Variants in CLDN1 observed in about 807,000 individuals in gnomAD.
CLDN1 encodes claudin-1.
A neutral mutation model predicts 22.6 loss-of-function variants in CLDN1; 12 were observed. The observed-to-expected ratio is 0.53, with a 90% CI of 0.34 to 0.86. CLDN1 has a LOEUF of 0.86. Ranked by LOEUF, CLDN1 falls within the 40% of genes least tolerant of loss-of-function variation. The pLI is 0.02. For synonymous variants in CLDN1, 99 were observed against 103.8 expected, an observed-to-expected ratio of 0.95 and a Z score of 0.28; for missense variants, 250 against 269.5, an observed-to-expected ratio of 0.93 and a Z score of 0.51.
At chr3:190,313,371 TC>T in intron 1 of CLDN1, among the ~76,000 whole-genome samples, 1 of 152,348 alleles carries the variant, frequency 6.6e-6, no homozygotes, top group African/African-American at 2.4e-5. Context: ...TAAGGGATTT[TC>T]ATCCTTGCTA....
chr3:190,313,605 G>A (rs1716684133), intron 1 of CLDN1, among the ~76,000 whole-genome samples: 1 of 152,144 alleles, frequency 6.6e-6, no homozygotes, highest in Non-Finnish European at 1.5e-5. Context: ...TGAATAGGAG[G>A]AGTGGGGAAG....
At position 190,312,862 on chromosome 3, in the gene CLDN1, C is replaced by A. The variant is rs775954397; in HGVS notation, c.388+10G>T. 8 of 1,613,770 alleles carry A rather than the reference C, an allele frequency of 5.0e-6. No homozygotes were observed. The South Asian group carries it at 7.7e-5, about 16-fold the overall frequency. ...TTAGTAAGGTGAAAGGGGGGCACAGCCTCTATTACCTGCAAGAAGAAATAT... is the reference window on the plus strand; with the variant it reads ...TTAGTAAGGTGAAAGGGGGGCACAGACTCTATTACCTGCAAGAAGAAATAT... On this transcript the variant is annotated intron_variant, in intron 2 of 3. Coordinates refer to ENST00000295522, the MANE Select transcript of CLDN1 (RefSeq NM_021101.5).
chr3:190,308,605 A>G (rs1716526297), intron 3 of CLDN1, among the ~76,000 whole-genome samples, 166 bp from the exon 4 acceptor site: 1 of 152,184 alleles, frequency 6.6e-6, no homozygotes, highest in Non-Finnish European at 1.5e-5. Context: ...ACGCCAAAGA[A>G]TGTTTATATT....
chr3:190,315,540 T>C (rs932965038), intron 1 of CLDN1, among the ~76,000 whole-genome samples: 1 of 152,192 alleles, frequency 6.6e-6, no homozygotes, highest in African/African-American at 2.4e-5. Flanking sequence ...ACTGTCAGCA[T>C]AGAGATCACA....
intron 1 of CLDN1, among the ~76,000 whole-genome samples, chr3:190,321,195 C>G (rs1245283907): frequency 6.6e-6 from 1 of 152,158 alleles, no homozygotes; most frequent in African/African-American, 2.4e-5. Flanking sequence ...GCTGCATTTC[C>G]CTTCAGTGCC....
chr3:190,310,258 A>G lies in CLDN1; in HGVS notation c.389-5T>C. 6.2e-7 allele frequency: 1 copy of G among 1,611,620 alleles called. No homozygotes were observed. Among genetic ancestry groups the G allele is most frequent in the Non-Finnish European group, 8.5e-7 (1 of 1,177,938 alleles). On this transcript the variant is annotated splice_region_variant and splice_polypyrimidine_tract_variant and intron_variant, in intron 2 of 3. Coordinates refer to ENST00000295522, the MANE Select transcript of CLDN1 (RefSeq NM_021101.5). ...TGGCAACTAAAATAGCCAGACCTAT[A>G]GAAATTCAAAACAAAAGACTGTTAA... is the stretch of plus-strand genomic sequence containing the variant.
chr3:190,313,927 A>G (rs888430858), intron 1 of CLDN1, among the ~76,000 whole-genome samples: 2 of 152,220 alleles, frequency 1.3e-5, no homozygotes, highest in African/African-American at 4.8e-5. Context: ...ACAGATTTTT[A>G]AATATGAACT....
In CLDN1 at chr3:190,310,355, T is replaced by A. The variant is rs1027977444; in HGVS notation, c.389-102A>T. ...CATATTTTGCAAGAATTAAATCTCA[T>A]CAATAGTGTTGACATTTTTATTTTG... is the stretch of plus-strand genomic sequence containing the variant. On this transcript the variant is annotated intron_variant, in intron 2 of 3. Transcript: ENST00000295522. 6.2e-6 allele frequency: 5 copies of A among 805,924 alleles called. No individual in the cohort carries two copies. The African/African-American group carries it at 6.8e-5, about 11-fold the overall frequency. The allele number at this position is 805,924 out of a possible 1,614,324, so 49.9% of individuals were successfully genotyped here.
At chr3:190,316,032 C>G (rs1716758272) in intron 1 of CLDN1, among the ~76,000 whole-genome samples, 1 of 152,194 alleles carries the variant, frequency 6.6e-6, no homozygotes, top group Non-Finnish European at 1.5e-5. Flanking sequence ...TCAAATCTAT[C>G]TTGCCACTTC....
intron 3 of CLDN1, among the ~76,000 whole-genome samples, chr3:190,309,831 T>C (rs1232189325): frequency 6.6e-6 from 1 of 152,234 alleles, no homozygotes; most frequent in Non-Finnish European, 1.5e-5. Context: ...AGGTAGGTGT[T>C]GTAAACATCA....
intron 1 of CLDN1, among the ~76,000 whole-genome samples, chr3:190,319,900 G>T (rs1437988174): frequency 6.6e-6 from 1 of 152,172 alleles, no homozygotes; most frequent in Non-Finnish European, 1.5e-5. Flanking sequence ...AGCATCCCGT[G>T]AGTCACGGCA....
intron 1 of CLDN1, among the ~76,000 whole-genome samples, chr3:190,319,409 A>C (rs185245925): frequency 2.1e-3 from 326 of 152,312 alleles, no homozygotes; most frequent in Middle Eastern, 3.4e-3. Context: ...GAAGTGCCTC[A>C]GTTACATTTT....
At chr3:190,316,345 C>T (rs116215331) in intron 1 of CLDN1, among the ~76,000 whole-genome samples, 45 of 152,242 alleles carry the variant, frequency 3.0e-4, no homozygotes, top group African/African-American at 9.6e-4. Context: ...CAAAATCTTG[C>T]TTTGCTTCAT....
At chr3:190,319,007 C>G (rs1228500904) in intron 1 of CLDN1, among the ~76,000 whole-genome samples, 1 of 152,102 alleles carries the variant, frequency 6.6e-6, no homozygotes, top group Admixed American at 6.5e-5. Flanking sequence ...TCTAGCCTAA[C>G]CTCCCATTTG....
chr3:190,310,315 C>T, intron 2 of CLDN1, 62 bp from the exon 3 acceptor site: 1 of 1,242,010 alleles, frequency 8.1e-7, no homozygotes, highest in South Asian at 1.2e-5. Flanking sequence ...AAATACACAA[C>T]CTGTTAAACC....
chr3:190,322,137 T>G lies in CLDN1; in HGVS notation c.70A>C (p.Ser24Arg), dbSNP rs1231695555. The change falls in exon 1 of 4, where the codon AGC becomes CGC. Residue 24 changes from serine to arginine, a missense_variant. Physicochemically the swap from Ser to Arg is moderately radical, Grantham distance 110. Coordinates refer to ENST00000295522, the MANE Select transcript of CLDN1 (RefSeq NM_021101.5). ...ATCCTCCACTGGGGCAGGGCAGTGC[T>G]GACGATGGCGCCGATCCATCCCAGG... ...AFLGWIGAIV[S>R]TALPQWRIYS... 1 of 1,614,196 alleles carries G rather than the reference T, an allele frequency of 6.2e-7. No homozygotes were observed. Among genetic ancestry groups the G allele is most frequent in the South Asian group, 1.1e-5 (1 of 91,090 alleles).
chr3:190,310,658 G>C (rs957581950), intron 2 of CLDN1, among the ~76,000 whole-genome samples: 1 of 152,138 alleles, frequency 6.6e-6, no homozygotes, highest in Non-Finnish European at 1.5e-5. Flanking sequence ...ACTCTTCTAT[G>C]TTCTTGATCA....
chr3:190,308,464 G>T (rs756945674), intron 3 of CLDN1, 25 bp from the exon 4 acceptor site: 5 of 1,611,168 alleles, frequency 3.1e-6, no homozygotes, highest in Non-Finnish European at 4.2e-6. Flanking sequence ...CCATGTGCTT[G>T]TTAATCAGTG....
chr3:190,311,365 T>C (rs1716612643), intron 2 of CLDN1, among the ~76,000 whole-genome samples: 3 of 152,298 alleles, frequency 2.0e-5, no homozygotes, highest in South Asian at 4.1e-4. Context: ...TAAGACACTA[T>C]CCATGCCTTT....
Sources: allele counts gnomAD v4.1 joint callset (sites outside exome capture counted in the v4.1 genomes callset), GRCh38; gene constraint gnomAD v4.1.1; transcripts MANE v1.5; gene names NCBI Gene and HGNC (gene_info 2026-07-23, HGNC 2026-07-21).